Variants in C12orf56 observed in about 807,000 individuals in gnomAD.
The protein encoded by C12orf56 is uncharacterized protein C12orf56.
In C12orf56, 71 loss-of-function variants were observed where a neutral mutation model predicts 69.9. The ratio of observed to expected loss-of-function variants is 1.02; its 90% CI spans 0.84 to 1.24. The LOEUF (loss-of-function observed/expected upper bound fraction) is 1.24. Ranked by LOEUF, C12orf56 falls within the 50% of genes most tolerant of loss-of-function variation. The pLI, the probability that C12orf56 is intolerant of heterozygous loss-of-function variation, is 0.00. For synonymous variants in C12orf56, 276 were observed against 274.1 expected (o/e 1.01, Z -0.07); for missense variants, 732 against 738.5 (o/e 0.99, Z 0.10).
At chr12:64,360,003 C>T (rs763861697) in intron 1 of C12orf56, among the ~76,000 whole-genome samples, 1 of 152,112 alleles carries the variant, frequency 6.6e-6, no homozygotes, top group African/African-American at 2.4e-5. Flanking sequence ...GAGTGAGCCA[C>T]TGCGTCCAGC....
intron 11 of C12orf56, among the ~76,000 whole-genome samples, chr12:64,274,468 A>C (rs2136747821): frequency 6.6e-6 from 1 of 152,324 alleles, no homozygotes; most frequent in South Asian, 2.1e-4. Context: ...GTGGGAAGAC[A>C]GGGACAGACC....
rs980368582 is a variant in C12orf56 at position 64,265,440 on chromosome 12, A to T, written c.*1743T>A. The T allele has an allele frequency of 8.5e-5, 13 of 152,236 alleles. No individual in the cohort carries two copies. Among genetic ancestry groups the T allele is most frequent in the African/African-American group, 3.1e-4 (13 of 41,458 alleles). 9.4% of individuals were successfully genotyped at this position (152,236 alleles called of 1,614,324 possible). Reference sequence around the variant, plus strand: ...GTGCAAAATCATCCACTGAGCCGAGATAGCAGAGAAACACACTACTCCATT... The same window carrying T: ...GTGCAAAATCATCCACTGAGCCGAGTTAGCAGAGAAACACACTACTCCATT... On this transcript the variant is annotated 3_prime_UTR_variant, in exon 13 of 13. Transcript: ENST00000543942.
rs1369063521 is a variant in C12orf56 at position 64,334,480 on chromosome 12, T to A, written c.416-3448A>T. On this transcript the variant is annotated intron_variant, in intron 2 of 12. Coordinates refer to ENST00000543942, the MANE Select transcript of C12orf56 (RefSeq NM_001170633.2). ...ATAGTATTTTCATACAACCTATGCATACCCTCCCATATACTTTAAATAATC... is the reference window on the plus strand; with the variant it reads ...ATAGTATTTTCATACAACCTATGCAAACCCTCCCATATACTTTAAATAATC... Among the ~76,000 whole-genome samples the A allele has an allele frequency of 5.3e-5, 8 of 152,314 alleles. 1 individual carries two copies. In the South Asian group the frequency reaches 8.3e-4, roughly 16 times the overall value.
At chr12:64,325,502 C>A (rs750693294) in intron 3 of C12orf56, among the ~76,000 whole-genome samples, 26 of 152,174 alleles carry the variant, frequency 1.7e-4, no homozygotes, top group Non-Finnish European at 3.5e-4. Context: ...AAAATGAGAT[C>A]TCATATTCAA....
In C12orf56 at chr12:64,265,686, A is replaced by C. The variant is rs1167408669; in HGVS notation, c.*1497T>G. On this transcript the variant is annotated 3_prime_UTR_variant, in exon 13 of 13. Transcript: ENST00000543942. ...AGTAATTATCTCCACTGCCCAACACAGGCGAATCTGGCTTAGGAACTCTTT... is the reference window on the plus strand; with the variant it reads ...AGTAATTATCTCCACTGCCCAACACCGGCGAATCTGGCTTAGGAACTCTTT... The C allele has an allele frequency of 6.6e-6, 1 of 152,230 alleles. No individual in the cohort carries two copies. The highest frequency in any genetic ancestry group is 2.1e-4 in the South Asian group (1 of 4,830). The allele number at this position is 152,230 out of a possible 1,614,324, so 9.4% of individuals were successfully genotyped here. A position where few individuals can be genotyped will look rare whatever the true frequency, so the allele number is the denominator to read the frequency against.
At position 64,381,928 on chromosome 12, in the gene C12orf56, C is replaced by T. The variant is rs188727163; in HGVS notation, c.252+8386G>A. ...GGAAATGAGCAATTGTGTTTTTGAA[C>T]ACATTGAACTTGATATACCTACCAG... On this transcript the variant is annotated intron_variant, in intron 1 of 12. Transcript: ENST00000543942. Among the ~76,000 whole-genome samples the T allele has an allele frequency of 1.8e-4, 27 of 152,210 alleles. 1 individual carries two copies. The highest frequency in any genetic ancestry group is 5.8e-4 in the African/African-American group (24 of 41,536).
At chr12:64,356,490 G>A (rs2039319689) in intron 1 of C12orf56, among the ~76,000 whole-genome samples, 1 of 152,230 alleles carries the variant, frequency 6.6e-6, no homozygotes, top group African/African-American at 2.4e-5. Flanking sequence ...CCCTACTGCT[G>A]TGTCATTCCC....
At chr12:64,378,805 C>T (rs569503364) in intron 1 of C12orf56, among the ~76,000 whole-genome samples, 1 of 151,746 alleles carries the variant, frequency 6.6e-6, no homozygotes, top group Non-Finnish European at 1.5e-5. Context: ...AATCCCAGCA[C>T]TTTGGGAGGC....
chr12:64,346,382 G>C (rs2039142553), intron 2 of C12orf56, among the ~76,000 whole-genome samples: 1 of 152,132 alleles, frequency 6.6e-6, no homozygotes. Context: ...TGCCCACCCA[G>C]ATAAAGGGTG....
At chr12:64,350,985 A>G (rs1361205086) in intron 2 of C12orf56, among the ~76,000 whole-genome samples, 1 of 152,166 alleles carries the variant, frequency 6.6e-6, no homozygotes, top group African/African-American at 2.4e-5. Flanking sequence ...GCTGTTTTTA[A>G]GTTTTTGCCT....
chr12:64,344,313 A>T (rs978413488), intron 2 of C12orf56, among the ~76,000 whole-genome samples: 6 of 152,182 alleles, frequency 3.9e-5, no homozygotes, highest in African/African-American at 1.4e-4. Flanking sequence ...CAAATCTGGA[A>T]ACTGATTAAG....
At chr12:64,306,589 A>G (rs2038516750) in intron 5 of C12orf56, among the ~76,000 whole-genome samples, 1 of 152,098 alleles carries the variant, frequency 6.6e-6, no homozygotes, top group Non-Finnish European at 1.5e-5. Flanking sequence ...GGCTGGTCTC[A>G]AACTCCTGAC....
chr12:64,318,665 C>A lies in C12orf56; in HGVS notation c.804G>T (p.Glu268Asp), dbSNP rs891196158. 2 of 1,536,766 alleles carry A rather than the reference C, an allele frequency of 1.3e-6. No homozygotes were observed. The highest frequency in any genetic ancestry group is 2.4e-5 in the South Asian group (2 of 84,020). The change falls in exon 4 of 13, where the codon GAG (glutamate) becomes GAT (aspartate). Residue 268 changes from glutamate to aspartate, a missense_variant. By Grantham distance (45) the Glu-to-Asp change is conservative. Transcript: ENST00000543942. ...ACAAATGAAGTTCTGACTCCTTTTT[C>A]TCTAAATTTGAGTTGCTCTGTGAAG... ...DSPSQSNSNL[E>D]KKESELHLYV...
chr12:64,279,762 C>T (rs1416385712), intron 8 of C12orf56, among the ~76,000 whole-genome samples: 3 of 152,124 alleles, frequency 2.0e-5, no homozygotes, highest in Admixed American at 2.0e-4. Context: ...GCAGGATATA[C>T]CCTACAGGGT....
At chr12:64,315,824 G>T (rs568571174) in intron 4 of C12orf56, among the ~76,000 whole-genome samples, 7 of 151,694 alleles carry the variant, frequency 4.6e-5, no homozygotes, top group Non-Finnish European at 1.0e-4. Flanking sequence ...CCAGCTACTG[G>T]AGAGGCTGAG....
chr12:64,304,981 T>C (rs2038492703), intron 5 of C12orf56, among the ~76,000 whole-genome samples: 1 of 152,170 alleles, frequency 6.6e-6, no homozygotes, highest in South Asian at 2.1e-4. Context: ...CTTACTCCAG[T>C]AACCTGTACC....
intron 3 of C12orf56, among the ~76,000 whole-genome samples, chr12:64,326,260 G>T (rs985332209): frequency 1.3e-5 from 2 of 152,094 alleles, no homozygotes; most frequent in Non-Finnish European, 2.9e-5. Flanking sequence ...GGTTTCATGG[G>T]GAGATATATA....
In C12orf56 at chr12:64,362,048, A is replaced by G. The variant is rs1049223125; in HGVS notation, c.253-8992T>C. Among the ~76,000 whole-genome samples, 109 of 152,084 alleles carry G rather than the reference A, an allele frequency of 7.2e-4. 1 individual carries two copies. Among genetic ancestry groups the G allele is most frequent in the Non-Finnish European group, 1.3e-4 (9 of 67,974 alleles). ...GCCTGGCCTACTCCTTTACTTTCTT[A>G]ATAAATTTGCTTTCACTTTATGGAC... On this transcript the variant is annotated intron_variant, in intron 1 of 12. Coordinates refer to ENST00000543942, the MANE Select transcript of C12orf56 (RefSeq NM_001170633.2).
At chr12:64,369,530 A>G (rs577707871) in intron 1 of C12orf56, among the ~76,000 whole-genome samples, 1 of 152,186 alleles carries the variant, frequency 6.6e-6, no homozygotes, top group Non-Finnish European at 1.5e-5. Flanking sequence ...AACTCTTTTT[A>G]TCTTCTATCT....
Sources: gnomAD v4.1 joint callset for allele counts (sites outside exome capture counted in the v4.1 genomes callset) on GRCh38, gnomAD v4.1.1 for gene constraint, MANE v1.5 for transcripts, NCBI Gene and HGNC (gene_info 2026-07-23, HGNC 2026-07-21) for gene names.